The following LIPC variants were observed in gnomAD, a reference collection of about 807,000 sequenced individuals.
LIPC encodes the protein lipase C, hepatic type.
In LIPC, 44 loss-of-function variants were observed where a neutral mutation model predicts 50.7. The ratio of observed to expected loss-of-function variants is 0.87; its 90% CI spans 0.68 to 1.11. LIPC has a LOEUF of 1.11. Among genes scored for constraint, LIPC ranks in the 50% most tolerant of loss-of-function variants. The pLI, the probability that LIPC is intolerant of heterozygous loss-of-function variation, is 0.00. For missense variants in LIPC, 697 were observed against 648.2 expected, an observed-to-expected ratio of 1.08 and a Z score of -0.82; for synonymous variants, 271 against 256.4, an observed-to-expected ratio of 1.06 and a Z score of -0.54.
At chr15:58,524,754 T>C (rs1196065812) in intron 1 of LIPC, among the ~76,000 whole-genome samples, 1 of 152,246 alleles carries the variant, frequency 6.6e-6, no homozygotes, top group East Asian at 1.9e-4. Flanking sequence ...TTTTTTGTTC[T>C]GTGGGTTGCT....
At chr15:58,440,798 A>C (rs1167515400) in intron 1 of LIPC, among the ~76,000 whole-genome samples, 2 of 152,174 alleles carry the variant, frequency 1.3e-5, no homozygotes, top group African/African-American at 4.8e-5. Flanking sequence ...CAAGAAGTGG[A>C]AGGACATTGT....
At chr15:58,452,855 C>T (rs1893961336) in intron 1 of LIPC, among the ~76,000 whole-genome samples, 3 of 152,158 alleles carry the variant, frequency 2.0e-5, no homozygotes, top group Admixed American at 1.3e-4. Context: ...CAGAGGTCCT[C>T]ATCTCTTGTG....
intron 1 of LIPC, among the ~76,000 whole-genome samples, chr15:58,486,114 G>C (rs1223920245): frequency 6.6e-6 from 1 of 152,138 alleles, no homozygotes; most frequent in African/African-American, 2.4e-5. Context: ...GCTGCTCCTT[G>C]ACCTGCCACT....
intron 1 of LIPC, among the ~76,000 whole-genome samples, chr15:58,535,578 A>G (rs1424486533): frequency 6.6e-6 from 1 of 152,196 alleles, no homozygotes; most frequent in Non-Finnish European, 1.5e-5. Flanking sequence ...AAATATACAC[A>G]AGACAGAATT....
At position 58,560,992 on chromosome 15, in the gene LIPC, G is replaced by C; in HGVS notation, c.1169+11G>C. 1 of 1,172,820 alleles carries C rather than the reference G, an allele frequency of 8.5e-7. No individual in the cohort carries two copies. 72.7% of individuals were successfully genotyped at this position (1,172,820 alleles called of 1,614,324 possible). A position where few individuals can be genotyped will look rare whatever the true frequency, so the allele number is the denominator to read the frequency against. ...AATTCCCATCACTCTGTGAGTAGGA[G>C]GTGTAGCCCCCTAGGGTGATGACAC... On this transcript the variant is annotated intron_variant, in intron 7 of 8. Transcript: ENST00000299022.
chr15:58,493,487 T>TG lies in LIPC; in HGVS notation c.89-44846_89-44845insG, dbSNP rs796604393. Among the ~76,000 whole-genome samples the TG allele has an allele frequency of 1.6e-3, 248 of 151,054 alleles. 9 individuals carry two copies. Among genetic ancestry groups the TG allele is most frequent in the South Asian group, 0.015 (73 of 4,720 alleles). ...CAATTTAAAATATATATATATTTTT[T>TG]TGTGTATATATACATATATACACAC... On this transcript the variant is annotated intron_variant, in intron 1 of 8. Transcript: ENST00000299022.
intron 6 of LIPC, among the ~76,000 whole-genome samples, chr15:58,556,288 A>G (rs531375351): frequency 6.6e-6 from 1 of 152,260 alleles, no homozygotes; most frequent in Admixed American, 6.5e-5. Context: ...CCTTGTGGAG[A>G]TACAAGCAGT....
intron 1 of LIPC, among the ~76,000 whole-genome samples, chr15:58,456,909 G>A (rs552165572): frequency 1.3e-5 from 2 of 152,262 alleles, no homozygotes; most frequent in African/African-American, 2.4e-5. Context: ...CGCTCAACTC[G>A]TTTATTTTAC....
chr15:58,472,115 C>T (rs574209763), intron 1 of LIPC, among the ~76,000 whole-genome samples: 1 of 150,916 alleles, frequency 6.6e-6, no homozygotes, highest in Non-Finnish European at 1.5e-5. Flanking sequence ...ACGAAAAATA[C>T]AAAAAATTAG....
At chr15:58,528,380 A>G (rs1199411553) in intron 1 of LIPC, among the ~76,000 whole-genome samples, 10 of 152,180 alleles carry the variant, frequency 6.6e-5, no homozygotes, top group Admixed American at 6.5e-4. Context: ...TAATAATCCT[A>G]TAAGGTAGGT....
rs573307378 is a variant in LIPC, at chr15:58,544,775, C to T, written c.575-967C>T. The stretch of plus-strand genomic sequence containing the variant: ...CGGCTCACTCTCAATTCCTTCGCCC[C>T]CCAAGTAGGGAAGGAAACCAGGGCT... On this transcript the variant is annotated intron_variant, in intron 4 of 8. Transcript: ENST00000299022. Among the ~76,000 whole-genome samples the T allele has an allele frequency of 2.2e-4, 33 of 152,256 alleles. 1 individual carries two copies. The South Asian group carries it at 5.8e-3, about 27-fold the overall frequency.
At chr15:58,452,031 G>A (rs1394734823) in intron 1 of LIPC, among the ~76,000 whole-genome samples, 1 of 152,210 alleles carries the variant, frequency 6.6e-6, no homozygotes, top group Non-Finnish European at 1.5e-5. Flanking sequence ...GGAAGCAGAT[G>A]GGTGAGATAA....
intron 6 of LIPC, among the ~76,000 whole-genome samples, chr15:58,556,182 A>G (rs1163010149): frequency 1.3e-5 from 2 of 152,228 alleles, no homozygotes; most frequent in East Asian, 3.8e-4. Flanking sequence ...GAGCTATTTT[A>G]TCATCCTTGG....
intron 1 of LIPC, among the ~76,000 whole-genome samples, chr15:58,440,323 G>A (rs1365165949): frequency 1.3e-5 from 2 of 152,186 alleles, no homozygotes; most frequent in East Asian, 1.9e-4. Flanking sequence ...GAGCCTATGG[G>A]TTATCCGTTG....
intron 1 of LIPC, among the ~76,000 whole-genome samples, chr15:58,474,357 A>C (rs1453430854): frequency 6.6e-6 from 1 of 152,106 alleles, no homozygotes; most frequent in Non-Finnish European, 1.5e-5. Flanking sequence ...TCTCCACAAA[A>C]AAATACAAAA....
At chr15:58,536,317 T>C (rs1033932126) in intron 1 of LIPC, among the ~76,000 whole-genome samples, 14 of 152,064 alleles carry the variant, frequency 9.2e-5, no homozygotes, top group Admixed American at 3.3e-4. Context: ...AGGTGGGGGA[T>C]GAGGGATCAT....
At chr15:58,496,743 C>CAAAAAAAAAAAAAAAAAAAAA (rs10716717) in intron 1 of LIPC, among the ~76,000 whole-genome samples, 2,959 of 113,442 alleles carry the variant, frequency 0.026, 198 homozygotes, top group Non-Finnish European at 0.032. Context: ...TCTTCCCCCT[C>CAAAAAAAAAAAAAAAAAAAAA]AAAAAAAAAA....
rs142050387 is a variant in LIPC at position 58,548,543 on chromosome 15, T to C, written c.1022T>C (p.Leu341Pro). The C allele has an allele frequency of 3.1e-6, 5 of 1,594,710 alleles. No individual in the cohort carries two copies. In the African/African-American group the frequency reaches 6.7e-5, roughly 21 times the overall value. ...CGGAGCAAGAGCAAGAGGCTCTTCC[T>C]CGTAACGCGAGCCCAGTCCCCCTTC... ...EPRSKSKRLF[L>P]VTRAQSPFKV... is the part of the protein sequence containing the mutation. Residue 341 changes from leucine to proline, a missense_variant, in exon 6 of 9, where the codon CTC becomes CCC. Physicochemically the swap from Leu to Pro is moderately conservative, Grantham distance 98. Transcript: ENST00000299022.
chr15:58,478,307 C>T (rs773080971), intron 1 of LIPC, among the ~76,000 whole-genome samples: 3 of 152,288 alleles, frequency 2.0e-5, no homozygotes, highest in East Asian at 1.9e-4. Context: ...GGCATAATCT[C>T]GGCTCACTGT....
Sources: gnomAD v4.1 joint callset for allele counts (sites outside exome capture counted in the v4.1 genomes callset) on GRCh38, gnomAD v4.1.1 for gene constraint, MANE v1.5 for transcripts, NCBI Gene and HGNC (gene_info 2026-07-23, HGNC 2026-07-21) for gene names.